ADGRG2: variants seen among roughly 807,000 people sequenced by gnomAD.
The protein encoded by ADGRG2 is adhesion G protein-coupled receptor G2.
A neutral mutation model predicts 74.1 loss-of-function variants in ADGRG2; 26 were observed. That is an observed-to-expected ratio of 0.35 (90% CI 0.26 to 0.49). ADGRG2 has a LOEUF of 0.49. ADGRG2 is among the 20% of genes least tolerant of loss of function. The pLI is 0.99. For synonymous variants in ADGRG2, 296 were observed against 295.2 expected (o/e 1.00, Z -0.03); for missense variants, 619 against 763.1 (o/e 0.81, Z 2.22).
At chrX:19,047,858 C>G (rs1487993422) in intron 3 of ADGRG2, among the ~76,000 whole-genome samples, 1 of 111,717 alleles carries the variant, frequency 9.0e-6, no homozygotes. Flanking sequence ...GAAAACATTT[C>G]TAATTTGGCA....
chrX:19,076,577 T>C (rs2061751517), intron 2 of ADGRG2, among the ~76,000 whole-genome samples: 1 of 111,913 alleles, frequency 8.9e-6, no homozygotes, highest in Admixed American at 9.5e-5. Context: ...AAGACCAGCC[T>C]GGCCAACATG....
chrX:19,081,257 C>A (rs1038932963), intron 2 of ADGRG2, among the ~76,000 whole-genome samples: 1 of 111,890 alleles, frequency 8.9e-6, no homozygotes, highest in African/African-American at 3.2e-5. Context: ...AGGCACTCGA[C>A]AAAGATTTTT....
chrX:19,089,948 C>G (rs1398723400), intron 1 of ADGRG2, among the ~76,000 whole-genome samples: 1 of 112,382 alleles, frequency 8.9e-6, no homozygotes, highest in Non-Finnish European at 1.9e-5. Context: ...AAAAAACTAA[C>G]TTATACACCT....
At chrX:19,066,049 T>C (rs2061563390) in intron 3 of ADGRG2, among the ~76,000 whole-genome samples, 1 of 111,778 alleles carries the variant, frequency 8.9e-6, no homozygotes, top group South Asian at 3.7e-4. Context: ...GACTTTGCCA[T>C]GTTGGCCAGG....
chrX:19,079,944 C>T (rs921352029), intron 2 of ADGRG2, among the ~76,000 whole-genome samples: 2 of 102,863 alleles, frequency 1.9e-5, no homozygotes, highest in Non-Finnish European at 3.9e-5. Context: ...GAGTTTTGCT[C>T]TTGTCACCCA....
chrX:19,108,304 T>C (rs1045209031), intron 1 of ADGRG2, among the ~76,000 whole-genome samples: 2 of 110,753 alleles, frequency 1.8e-5, no homozygotes, highest in Non-Finnish European at 3.8e-5. Context: ...TCATTGTCTA[T>C]GGATACAGAT....
At chrX:19,101,533 T>G (rs1039470476) in intron 1 of ADGRG2, among the ~76,000 whole-genome samples, 1 of 109,461 alleles carries the variant, frequency 9.1e-6, no homozygotes, top group Non-Finnish European at 1.9e-5. Flanking sequence ...AAACTCTTTC[T>G]CTACAAAAAA....
Position 19,006,271 on chromosome X carries a change from G to T in ADGRG2, c.1690-6C>A. ...CATCTCACTGTTAACTCATCCTGTG[G>T]TAGAAAGATAAATCACACATAATTA... On this transcript the variant is annotated splice_region_variant and splice_polypyrimidine_tract_variant and intron_variant, in intron 20 of 28. Coordinates refer to ENST00000379869, the MANE Select transcript of ADGRG2 (RefSeq NM_001079858.3). 3.6e-6 allele frequency: 4 copies of T among 1,106,022 alleles called. No individual in the cohort carries two copies. The highest frequency in any genetic ancestry group is 5.0e-6 in the Non-Finnish European group (4 of 806,282). 91.1% of individuals were successfully genotyped at this position (1,106,022 alleles called of 1,213,427 possible). A position where few individuals can be genotyped will look rare whatever the true frequency, so the allele number is the denominator to read the frequency against.
intron 2 of ADGRG2, 91 bp from the exon 3 acceptor site, chrX:19,068,926 C>CG: frequency 2.3e-6 from 1 of 431,119 alleles, no homozygotes; most frequent in Non-Finnish European, 4.0e-6. Context: ...CCAAGGCAAC[C>CG]TGTGATCCTG....
At chrX:19,081,305 T>C (rs909228481) in intron 2 of ADGRG2, among the ~76,000 whole-genome samples, 1 of 111,946 alleles carries the variant, frequency 8.9e-6, no homozygotes, top group Admixed American at 9.5e-5. Flanking sequence ...TGCAAAATAA[T>C]TCTATCAATA....
chrX:19,001,788 G>T (rs1160043200), intron 24 of ADGRG2, among the ~76,000 whole-genome samples: 4 of 111,466 alleles, frequency 3.6e-5, no homozygotes, highest in Non-Finnish European at 3.8e-5. Context: ...CAGTCTGGTT[G>T]GGGGGATGGC....
chrX:19,092,390 G>A (rs1332753793), intron 1 of ADGRG2, among the ~76,000 whole-genome samples: 1 of 108,330 alleles, frequency 9.2e-6, no homozygotes, highest in African/African-American at 3.4e-5. Flanking sequence ...ACTTGATGGG[G>A]GCGAGAATAA....
chrX:19,014,186 G>C (rs1343803007), intron 15 of ADGRG2, 112 bp from the exon 16 acceptor site: 11 of 577,366 alleles, frequency 1.9e-5, no homozygotes, highest in Non-Finnish European at 2.9e-5. Flanking sequence ...AGTTACATCA[G>C]GGACATGACA....
At chrX:19,106,454 C>A (rs746951453) in intron 1 of ADGRG2, among the ~76,000 whole-genome samples, 5 of 109,936 alleles carry the variant, frequency 4.5e-5, no homozygotes, top group Admixed American at 3.9e-4. Flanking sequence ...TGCCCCACCC[C>A]ACTCCTTTCT....
chrX:19,028,568 T>A (rs1444821576), intron 9 of ADGRG2, among the ~76,000 whole-genome samples: 1 of 110,845 alleles, frequency 9.0e-6, no homozygotes, highest in Non-Finnish European at 1.9e-5. Context: ...TGCAGGGGTG[T>A]CCACTCTTTT....
chrX:19,107,469 T>G (rs956784644), intron 1 of ADGRG2, among the ~76,000 whole-genome samples: 4 of 111,658 alleles, frequency 3.6e-5, no homozygotes, highest in African/African-American at 6.5e-5. Context: ...CATAATTTAG[T>G]TTTTTAACCC....
At chrX:19,067,702 C>A (rs1441908319) in intron 3 of ADGRG2, among the ~76,000 whole-genome samples, 1 of 111,593 alleles carries the variant, frequency 9.0e-6, no homozygotes, top group Non-Finnish European at 1.9e-5. Flanking sequence ...GGAAGAAACA[C>A]CCCACAGAAT....
intron 2 of ADGRG2, among the ~76,000 whole-genome samples, chrX:19,081,012 CA>C (rs768958479): frequency 7.3e-4 from 81 of 110,659 alleles, no homozygotes; most frequent in African/African-American, 2.7e-3. Flanking sequence ...TGAGATACCA[CA>C]AAAAACAAGG....
At chrX:19,077,127 C>T (rs749183632) in intron 2 of ADGRG2, among the ~76,000 whole-genome samples, 12 of 110,297 alleles carry the variant, frequency 1.1e-4, no homozygotes, top group Non-Finnish European at 1.7e-4. Flanking sequence ...CATATTCAGT[C>T]AGTCTGAAAA....
Sources: gnomAD v4.1 joint callset for allele counts (sites outside exome capture counted in the v4.1 genomes callset) on GRCh38, gnomAD v4.1.1 for gene constraint, MANE v1.5 for transcripts, NCBI Gene and HGNC (gene_info 2026-07-23, HGNC 2026-07-21) for gene names.